The following FIP1L1 variants were observed in gnomAD, a reference collection of about 807,000 sequenced individuals.
FIP1L1 encodes the protein pre-mRNA 3'-end-processing factor FIP1.
Under a neutral mutation model 84.6 loss-of-function variants are expected in FIP1L1, and 21 were observed. The observed-to-expected ratio is 0.25, with a 90% CI of 0.18 to 0.36. The LOEUF (loss-of-function observed/expected upper bound fraction) is 0.36, where lower values mean the gene tolerates loss of function less well. Ranked by LOEUF, FIP1L1 falls within the 10% of genes least tolerant of loss-of-function variation. FIP1L1 has a pLI of 1.00. For missense variants in FIP1L1, 526 were observed against 751.1 expected (o/e 0.70, Z 3.50); for synonymous variants, 263 against 242.3 (o/e 1.09, Z -0.80).
rs1755416485 is a variant in FIP1L1, at chr4:53,408,909, A to C, written c.816-5706A>C. 2.1e-5 allele frequency among the ~76,000 whole-genome samples: 3 copies of C among 145,902 alleles called. No homozygotes were observed. In the South Asian group the frequency reaches 6.6e-4, roughly 32 times the overall value. The stretch of plus-strand genomic sequence containing the variant: ...TTATACATTCTTCTAAATTTTTTTC[A>C]AAGTTTTTAACTTCTTTGCCTTTGG... On this transcript the variant is annotated intron_variant, in intron 10 of 17. Transcript: ENST00000337488.
At chr4:53,378,904 A>G in intron 1 of FIP1L1, 169 bp from the exon 2 acceptor site, 1 of 685,410 alleles carries the variant, frequency 1.5e-6, no homozygotes, top group Non-Finnish European at 2.4e-6. Flanking sequence ...ATTAGTTACT[A>G]CTCTTTGAAA....
intron 7 of FIP1L1, 21 bp downstream of exon 7, chr4:53,390,649 A>G: frequency 6.7e-7 from 1 of 1,488,758 alleles, no homozygotes; most frequent in East Asian, 2.3e-5. Context: ...TGTGGATTAT[A>G]TTAATTTCAA....
At chr4:53,456,068 A>G (rs1718751134) in intron 16 of FIP1L1, among the ~76,000 whole-genome samples, 1 of 152,158 alleles carries the variant, frequency 6.6e-6, no homozygotes, top group Admixed American at 6.6e-5. Context: ...GTTCAAGGGC[A>G]TTACTTTCCA....
chr4:53,434,550 C>A (rs1768223301), intron 13 of FIP1L1, among the ~76,000 whole-genome samples: 1 of 151,520 alleles, frequency 6.6e-6, no homozygotes, highest in Non-Finnish European at 1.5e-5. Context: ...CAGCTCACTG[C>A]AACCTCTGCC....
At chr4:53,400,654 A>T in intron 10 of FIP1L1, among the ~76,000 whole-genome samples, 1 of 152,208 alleles carries the variant, frequency 6.6e-6, no homozygotes, top group East Asian at 1.9e-4. Flanking sequence ...TTTTAGAATA[A>T]TCTAATGCAG....
chr4:53,455,270 A>G (rs2137894), intron 16 of FIP1L1, among the ~76,000 whole-genome samples: 3,944 of 152,202 alleles, frequency 0.026, 148 homozygotes, highest in South Asian at 0.15. Context: ...ATTTTCTTCA[A>G]TAGCTTTTTC....
chr4:53,447,044 TC>T (rs1163665128), intron 15 of FIP1L1, among the ~76,000 whole-genome samples: 1 of 152,108 alleles, frequency 6.6e-6, no homozygotes, highest in Admixed American at 6.6e-5. Flanking sequence ...GTTAGAAGTT[TC>T]CTAGTAAAAC....
At chr4:53,434,424 A>C (rs2090117) in intron 13 of FIP1L1, among the ~76,000 whole-genome samples, 105,381 of 151,716 alleles carry the variant, frequency 0.69, 36,664 homozygotes, top group Middle Eastern at 0.72. Context: ...CCTGGAAACT[A>C]CACTGTAAGA....
At chr4:53,377,950 C>T (rs749737467) in intron 1 of FIP1L1, 27 bp downstream of exon 1, 7 of 1,543,692 alleles carry the variant, frequency 4.5e-6, no homozygotes, top group South Asian at 1.2e-5. Flanking sequence ...CTCTGTCTCT[C>T]GGGTTCTCTC....
chr4:53,458,058 A>C (rs115158975), intron 16 of FIP1L1, among the ~76,000 whole-genome samples: 120 of 152,226 alleles, frequency 7.9e-4, no homozygotes, highest in Middle Eastern at 3.4e-3. Context: ...GGTATGTCCA[A>C]TCTGCATTTT....
At chr4:53,403,214 G>C (rs1055714415) in intron 10 of FIP1L1, among the ~76,000 whole-genome samples, 35 of 152,120 alleles carry the variant, frequency 2.3e-4, no homozygotes, top group African/African-American at 8.2e-4. Flanking sequence ...ATGCTGATGG[G>C]AATGAGTTAA....
intron 3 of FIP1L1, 34 bp downstream of exon 3, chr4:53,379,298 A>G (rs774195744): frequency 1.9e-6 from 3 of 1,539,010 alleles, no homozygotes; most frequent in Non-Finnish European, 2.6e-6. Context: ...CCTATTACAC[A>G]GGTTGTGTGA....
rs1749387259 is a variant in FIP1L1 at position 53,399,960 on chromosome 4, G to A, written c.815+121G>A. 3 of 651,900 alleles carry A rather than the reference G, an allele frequency of 4.6e-6. No individual in the cohort carries two copies. The South Asian group carries it at 7.7e-5, about 17-fold the overall frequency. The allele number at this position is 651,900 out of a possible 1,614,324, so 40.4% of individuals were successfully genotyped here. A position where few individuals can be genotyped will look rare whatever the true frequency, so the allele number is the denominator to read the frequency against. On this transcript the variant is annotated intron_variant, in intron 10 of 17. Transcript: ENST00000337488. Reference sequence around the variant, plus strand: ...CAAAAAACTGGAACATTTTACTTTGGTTTAGTACAAAATGAATTCTTCACA... The same window carrying A: ...CAAAAAACTGGAACATTTTACTTTGATTTAGTACAAAATGAATTCTTCACA...
intron 10 of FIP1L1, 98 bp from the exon 11 acceptor site, chr4:53,414,517 A>ACATG: frequency 1.4e-6 from 1 of 706,948 alleles, no homozygotes; most frequent in Non-Finnish European, 2.4e-6. Flanking sequence ...ATACTAAAAG[A>ACATG]CTTTAGAAAA....
chr4:53,453,622 G>C (rs977410454), intron 16 of FIP1L1, among the ~76,000 whole-genome samples: 4 of 152,136 alleles, frequency 2.6e-5, no homozygotes, highest in African/African-American at 9.7e-5. Context: ...TCAGTGCCTG[G>C]CTTCAGAGTT....
chr4:53,382,237 A>C (rs374562663), intron 3 of FIP1L1, 41 bp from the exon 4 acceptor site: 1 of 1,453,104 alleles, frequency 6.9e-7, no homozygotes, highest in Admixed American at 1.7e-5. Flanking sequence ...TACTTCCGAA[A>C]AGTAATGCCT....
intron 9 of FIP1L1, among the ~76,000 whole-genome samples, chr4:53,397,988 G>A (rs73250962): frequency 0.02 from 3,117 of 152,242 alleles, 49 homozygotes; most frequent in Admixed American, 0.032. Flanking sequence ...TGTCAACTCT[G>A]AATATTCCTT....
At chr4:53,458,496 C>A in intron 16 of FIP1L1, 157 bp from the exon 17 acceptor site, 2 of 566,944 alleles carry the variant, frequency 3.5e-6, no homozygotes, top group Non-Finnish European at 5.9e-6. Flanking sequence ...CATTATTTTC[C>A]TCTCAATTCA....
chr4:53,383,252 A>G (rs1040147459), intron 4 of FIP1L1, among the ~76,000 whole-genome samples: 1 of 152,208 alleles, frequency 6.6e-6, no homozygotes, highest in African/African-American at 2.4e-5. Flanking sequence ...GATGCCAAAA[A>G]GATTTCATTT....
Sources: allele counts gnomAD v4.1 joint callset (sites outside exome capture counted in the v4.1 genomes callset), GRCh38; gene constraint gnomAD v4.1.1; transcripts MANE v1.5; gene names NCBI Gene and HGNC (gene_info 2026-07-23, HGNC 2026-07-21).